NCOA1: variants seen among roughly 807,000 people sequenced by gnomAD.
The protein encoded by NCOA1 is nuclear receptor coactivator 1.
Under a neutral mutation model 150.9 loss-of-function variants are expected in NCOA1, and 35 were observed. That is an observed-to-expected ratio of 0.23 (90% CI 0.18 to 0.31). The LOEUF (loss-of-function observed/expected upper bound fraction) is 0.31, where lower values mean the gene tolerates loss of function less well. NCOA1 is among the 10% of genes least tolerant of loss of function. The pLI, the probability that NCOA1 is intolerant of heterozygous loss-of-function variation, is 1.00. For missense variants in NCOA1, 1,491 were observed against 1,749.3 expected (o/e 0.85, Z 2.63); for synonymous variants, 590 against 630.0 (o/e 0.94, Z 0.95).
At chr2:24,697,571 A>G in intron 10 of NCOA1, 87 bp from the exon 11 acceptor site, 1 of 1,178,688 alleles carries the variant, frequency 8.5e-7, no homozygotes, top group Non-Finnish European at 1.2e-6. Flanking sequence ...TGGAAAGAAT[A>G]TTTCTTAGAT....
chr2:24,559,858 T>C (rs4665704), intron 1 of NCOA1, among the ~76,000 whole-genome samples: 89 of 152,306 alleles, frequency 5.8e-4, no homozygotes, highest in Admixed American at 5.8e-3. Context: ...TGTTTGTCTA[T>C]CTGTTCCCCA....
chr2:24,507,862 T>C (rs2148096655), intron 1 of NCOA1, among the ~76,000 whole-genome samples: 1 of 152,324 alleles, frequency 6.6e-6, no homozygotes, highest in African/African-American at 2.4e-5. Context: ...TATCTTATTT[T>C]CCTTTTCATT....
chr2:24,562,466 A>T (rs1377971080), intron 1 of NCOA1, among the ~76,000 whole-genome samples: 5 of 152,208 alleles, frequency 3.3e-5, no homozygotes, highest in Non-Finnish European at 5.9e-5. Context: ...TTCACAATAT[A>T]AACAATTTAC....
rs1284911758 is a variant in NCOA1 at position 24,673,285 on chromosome 2, G to A, written c.257-81G>A. ...ATGTTATTTGAATTTGAAATTTGGTGGATCTATGTCTTCGTAAACTTGACT... is the reference window on the plus strand; with the variant it reads ...ATGTTATTTGAATTTGAAATTTGGTAGATCTATGTCTTCGTAAACTTGACT... On this transcript the variant is annotated intron_variant, in intron 6 of 22. Coordinates refer to ENST00000348332, the MANE Select transcript of NCOA1 (RefSeq NM_003743.5). The A allele has an allele frequency of 5.6e-6, 5 of 889,558 alleles. No individual in the cohort carries two copies. In the Admixed American group the frequency reaches 1.2e-4, roughly 21 times the overall value. 55.1% of individuals were successfully genotyped at this position (889,558 alleles called of 1,614,324 possible).
chr2:24,563,300 A>G (rs964823306), intron 1 of NCOA1, among the ~76,000 whole-genome samples: 2 of 152,212 alleles, frequency 1.3e-5, no homozygotes, highest in Non-Finnish European at 2.9e-5. Flanking sequence ...GTTGGCCAGA[A>G]TGGCTTGTGT....
intron 1 of NCOA1, among the ~76,000 whole-genome samples, chr2:24,516,041 ACT>A (rs1201503962): frequency 6.6e-6 from 1 of 151,956 alleles, no homozygotes; most frequent in Non-Finnish European, 1.5e-5. Flanking sequence ...GCAGGCAGTC[ACT>A]CTGGTGGCTT....
At chr2:24,560,503 A>G (rs1214060221) in intron 1 of NCOA1, among the ~76,000 whole-genome samples, 2 of 152,134 alleles carry the variant, frequency 1.3e-5, no homozygotes, top group Non-Finnish European at 2.9e-5. Flanking sequence ...CAGAAATGGA[A>G]CTACTTAGAG....
rs572080802 is a variant in NCOA1, at chr2:24,674,216, T to A, written c.354+753T>A. On this transcript the variant is annotated intron_variant, in intron 7 of 22. Coordinates refer to ENST00000348332, the MANE Select transcript of NCOA1 (RefSeq NM_003743.5). ...TTATGGCCCTTGGGTACCCCTTTTT[T>A]TTTTTTTGAGACGGAGTCTCGCTTT... 2.6e-5 allele frequency among the ~76,000 whole-genome samples: 4 copies of A among 151,772 alleles called. No homozygotes were observed. In the East Asian group the frequency reaches 5.8e-4, roughly 22 times the overall value.
chr2:24,583,994 A>G (rs1289941171), intron 2 of NCOA1, among the ~76,000 whole-genome samples: 1 of 152,164 alleles, frequency 6.6e-6, no homozygotes, highest in Non-Finnish European at 1.5e-5. Context: ...TAGGGTGACT[A>G]TCATTAACAA....
chr2:24,735,991 G>A (rs2148654639), intron 17 of NCOA1, among the ~76,000 whole-genome samples: 1 of 152,202 alleles, frequency 6.6e-6, no homozygotes, highest in South Asian at 2.1e-4. Context: ...GGAGGCCAAG[G>A]CAGGTGGATC....
intron 3 of NCOA1, among the ~76,000 whole-genome samples, chr2:24,636,225 C>A (rs970466939): frequency 6.6e-6 from 1 of 152,140 alleles, no homozygotes; most frequent in African/African-American, 2.4e-5. Flanking sequence ...TCTTTAAACC[C>A]ATGAACATGT....
At chr2:24,642,005 G>GGC (rs1190395505) in intron 3 of NCOA1, among the ~76,000 whole-genome samples, 5 of 65,664 alleles carry the variant, frequency 7.6e-5, no homozygotes, top group Admixed American at 6.2e-4. Context: ...GATTACAGAG[G>GGC]GCGTGTGTGT....
chr2:24,553,377 C>G (rs2148230534), intron 1 of NCOA1, among the ~76,000 whole-genome samples: 1 of 152,184 alleles, frequency 6.6e-6, no homozygotes, highest in Non-Finnish European at 1.5e-5. Context: ...CGCCACTACA[C>G]CCAGCTAATT....
chr2:24,516,265 C>T (rs1431824366), intron 1 of NCOA1, among the ~76,000 whole-genome samples: 2 of 147,854 alleles, frequency 1.4e-5, no homozygotes, highest in Non-Finnish European at 3.0e-5. Flanking sequence ...CGATCTCGGC[C>T]CACTGCAAGC....
rs1296073651 is a variant in NCOA1, at chr2:24,729,918, C to T, written c.3201+103C>T. On this transcript the variant is annotated intron_variant, in intron 17 of 22. Coordinates refer to ENST00000348332, the MANE Select transcript of NCOA1 (RefSeq NM_003743.5). The stretch of plus-strand genomic sequence containing the variant: ...TAGTGTGCAGTAGTGCTATCTCAGC[C>T]CACTGCAACCGCCGCCTCCCAGGTT... 7.2e-6 allele frequency: 9 copies of T among 1,251,172 alleles called. No homozygotes were observed. The Admixed American group carries it at 1.7e-4, about 24-fold the overall frequency. 77.5% of individuals were successfully genotyped at this position (1,251,172 alleles called of 1,614,324 possible). A position where few individuals can be genotyped will look rare whatever the true frequency, so the allele number is the denominator to read the frequency against.
chr2:24,566,004 C>G (rs929503384), intron 2 of NCOA1, among the ~76,000 whole-genome samples: 8 of 152,176 alleles, frequency 5.3e-5, no homozygotes, highest in Non-Finnish European at 8.8e-5. Flanking sequence ...AAGGCTGCAG[C>G]TCTTCTCTCC....
rs553786933 is a variant in NCOA1 at position 24,666,476 on chromosome 2, G to A, written c.256+561G>A. 2.0e-3 allele frequency among the ~76,000 whole-genome samples: 309 copies of A among 152,150 alleles called. 2 individuals are homozygous for A. The highest frequency in any genetic ancestry group is 7.0e-3 in the African/African-American group (291 of 41,524). ...AAACTGGTTGCTTTAGGAGATTATG[G>A]GACTCAGTATCATAGGGGATTGAGT... is the stretch of plus-strand genomic sequence containing the variant. On this transcript the variant is annotated intron_variant, in intron 6 of 22. Coordinates refer to ENST00000348332, the MANE Select transcript of NCOA1 (RefSeq NM_003743.5).
At chr2:24,601,147 G>C (rs375496870) in intron 3 of NCOA1, among the ~76,000 whole-genome samples, 2 of 151,738 alleles carry the variant, frequency 1.3e-5, no homozygotes, top group African/African-American at 4.8e-5. Flanking sequence ...AAGAGTTAAT[G>C]AGTCAGTGAA....
chr2:24,728,905 A>G (rs1662845166), intron 16 of NCOA1, among the ~76,000 whole-genome samples: 1 of 152,272 alleles, frequency 6.6e-6, no homozygotes. Context: ...TGTAGAATAC[A>G]AAGTATGAGA....
Sources: allele counts gnomAD v4.1 joint callset (sites outside exome capture counted in the v4.1 genomes callset), GRCh38; gene constraint gnomAD v4.1.1; transcripts MANE v1.5; gene names NCBI Gene and HGNC (gene_info 2026-07-23, HGNC 2026-07-21).